The following USP26 variants were observed in gnomAD, a reference collection of about 807,000 sequenced individuals.
The protein encoded by USP26 is ubiquitin carboxyl-terminal hydrolase 26.
For missense variants in USP26, 649 were observed against 642.3 expected, an observed-to-expected ratio of 1.01 and a Z score of -0.11; for synonymous variants, 236 against 240.6, an observed-to-expected ratio of 0.98 and a Z score of 0.18.
At chrX:133,037,720 G>C (rs1275246286) in intron 5 of USP26, among the ~76,000 whole-genome samples, 1 of 111,871 alleles carries the variant, frequency 8.9e-6, no homozygotes, top group East Asian at 2.8e-4. Flanking sequence ...AAAACTAAAT[G>C]GTAGCTTGAT....
intron 5 of USP26, among the ~76,000 whole-genome samples, chrX:133,063,541 A>C (rs1199580747): frequency 9.0e-6 from 1 of 111,649 alleles, no homozygotes; most frequent in Non-Finnish European, 1.9e-5. Context: ...TCTGCAAAAA[A>C]CCTACAACCC....
At chrX:133,094,302 G>A (rs1308937008) in intron 1 of USP26, among the ~76,000 whole-genome samples, 1 of 111,082 alleles carries the variant, frequency 9.0e-6, no homozygotes, top group Non-Finnish European at 1.9e-5. Context: ...GTGCATGCCA[G>A]CCAGGAAGCG....
chrX:133,030,554 T>G (rs2067372548), intron 5 of USP26, among the ~76,000 whole-genome samples: 1 of 111,769 alleles, frequency 8.9e-6, no homozygotes, highest in Non-Finnish European at 1.9e-5. Flanking sequence ...TGATTTAGAC[T>G]CTAAACATCA....
At chrX:133,068,439 G>C (rs1214529503) in intron 5 of USP26, among the ~76,000 whole-genome samples, 1 of 112,507 alleles carries the variant, frequency 8.9e-6, no homozygotes, top group African/African-American at 3.2e-5. Context: ...AAGAAGAAAT[G>C]TTAAAAAATA....
chrX:133,056,274 C>T (rs1341429841), intron 5 of USP26, among the ~76,000 whole-genome samples: 1 of 111,535 alleles, frequency 9.0e-6, no homozygotes. Flanking sequence ...TATCTGAGCC[C>T]TCCCATTTTC....
chrX:133,045,631 C>T (rs1003907409), intron 5 of USP26, among the ~76,000 whole-genome samples: 36 of 111,183 alleles, frequency 3.2e-4, no homozygotes, highest in African/African-American at 1.0e-3. Flanking sequence ...CCAGACGGGC[C>T]GCCTTATGAG....
At chrX:133,071,005 T>C (rs1161053148) in intron 5 of USP26, among the ~76,000 whole-genome samples, 1 of 110,714 alleles carries the variant, frequency 9.0e-6, no homozygotes. Context: ...TCACCTGAGA[T>C]CAGGAGTTCG....
chrX:133,052,311 C>A (rs1051957237), intron 5 of USP26, among the ~76,000 whole-genome samples: 1 of 111,878 alleles, frequency 8.9e-6, no homozygotes, highest in African/African-American at 3.3e-5. Flanking sequence ...GTTCAGGCAG[C>A]ACCACTTGGG....
Position 133,025,153 on chromosome X carries a change from A to G in USP26, c.*326T>C. 1 of 250,755 alleles carries G rather than the reference A, an allele frequency of 4.0e-6. No homozygotes were observed. Among genetic ancestry groups the G allele is most frequent in the South Asian group, 7.6e-5 (1 of 13,220 alleles). The allele number at this position is 250,755 out of a possible 1,213,427, so 20.7% of individuals were successfully genotyped here. On this transcript the variant is annotated 3_prime_UTR_variant, in exon 6 of 6. Transcript: ENST00000511190. ...AGAATCGCTTGATGCCAGGAGTTTG[A>G]GGCTGCAGTGAGTTATTATTGAAGG...
chrX:133,037,368 G>A (rs1433449980), intron 5 of USP26, among the ~76,000 whole-genome samples: 1 of 112,113 alleles, frequency 8.9e-6, no homozygotes, highest in African/African-American at 3.2e-5. Flanking sequence ...GTAAGAAGAG[G>A]CTCCAGTTTC....
chrX:133,081,216 A>G (rs1163049571), intron 5 of USP26, among the ~76,000 whole-genome samples: 1 of 111,236 alleles, frequency 9.0e-6, no homozygotes, highest in Non-Finnish European at 1.9e-5. Flanking sequence ...ATTTTGGTGA[A>G]TAAAAATACT....
Position 133,028,186 on chromosome X carries a change from A to G in USP26, c.35T>C (p.Ile12Thr). The G allele has an allele frequency of 8.3e-7, 1 of 1,209,810 alleles. No individual in the cohort carries two copies. The highest frequency in any genetic ancestry group is 1.8e-5 in the South Asian group (1 of 56,921). The change falls in exon 6 of 6, where the codon ATA becomes ACA. Residue 12 changes from isoleucine to threonine, a missense_variant. By Grantham distance (89) the Ile-to-Thr change is moderately conservative. Coordinates refer to ENST00000511190, the MANE Select transcript of USP26 (RefSeq NM_031907.3). The stretch of plus-strand genomic sequence containing the variant: ...AGATATCCCAGTCTTGCAGTTCCCT[A>G]TTTGGACAAAACCACGTAGGAATAG... ...AALFLRGFVQ[I>T]GNCKTGISKS...
chrX:133,090,493 C>T (rs2067603396), intron 3 of USP26, among the ~76,000 whole-genome samples: 1 of 112,312 alleles, frequency 8.9e-6, no homozygotes, highest in African/African-American at 3.2e-5. Flanking sequence ...GTTAGAAGAT[C>T]CCCACTCTAA....
chrX:133,027,679 T>G lies in USP26; in HGVS notation c.542A>C (p.Lys181Thr), dbSNP rs939534013. The change falls in exon 6 of 6, where the codon AAA (lysine) becomes ACA (threonine). Residue 181 changes from lysine (K) to threonine (T), a missense_variant. Coordinates refer to ENST00000511190, the MANE Select transcript of USP26 (RefSeq NM_031907.3). ...ELSENQHKKR[K>T]RMLSSSSEMN... ...CTCTGAGCTAGATGAGAGCATTCTT[T>G]TCCTCTTCTTGTGCTGATTTTCTGA... The G allele has an allele frequency of 8.3e-7, 1 of 1,207,068 alleles. No homozygotes were observed. Among genetic ancestry groups the G allele is most frequent in the Non-Finnish European group, 1.1e-6 (1 of 892,871 alleles).
In USP26 at chrX:133,024,038, G is replaced by A. The variant is rs145607885; in HGVS notation, c.*1441C>T. ...TGCCTCAAAGGCAGGAAAAGGTTATGATAATAGTGGTGGCACATGCTTGAT... is the reference window on the plus strand; with the variant it reads ...TGCCTCAAAGGCAGGAAAAGGTTATAATAATAGTGGTGGCACATGCTTGAT... On this transcript the variant is annotated 3_prime_UTR_variant, in exon 6 of 6. Transcript: ENST00000511190. 1.1e-4 allele frequency among the ~76,000 whole-genome samples: 12 copies of A among 112,035 alleles called. No homozygotes were observed. In the East Asian group the frequency reaches 3.4e-3, roughly 31 times the overall value.
chrX:133,088,824 T>C (rs912570595), intron 4 of USP26, among the ~76,000 whole-genome samples: 1 of 111,846 alleles, frequency 8.9e-6, no homozygotes, highest in Non-Finnish European at 1.9e-5. Context: ...AAGGAGAAGG[T>C]GTCACAGTTA....
chrX:133,078,502 G>A, intron 5 of USP26, among the ~76,000 whole-genome samples: 1 of 112,000 alleles, frequency 8.9e-6, no homozygotes, highest in Non-Finnish European at 1.9e-5. Flanking sequence ...GCTAGGCTGA[G>A]CCCAGGTATT....
At chrX:133,072,498 CAG>C (rs35834199) in intron 5 of USP26, among the ~76,000 whole-genome samples, 2,126 of 112,408 alleles carry the variant, frequency 0.019, 46 homozygotes, top group African/African-American at 0.065. Context: ...TTAAGTATGA[CAG>C]AGCATTCTGT....
intron 5 of USP26, among the ~76,000 whole-genome samples, chrX:133,076,505 A>G (rs1413090004): frequency 9.0e-6 from 1 of 111,335 alleles, no homozygotes; most frequent in East Asian, 2.8e-4. Flanking sequence ...CCCTTGTGCA[A>G]TCTCCTCCCC....
Sources: gnomAD v4.1 joint callset for allele counts (sites outside exome capture counted in the v4.1 genomes callset) on GRCh38, gnomAD v4.1.1 for gene constraint, MANE v1.5 for transcripts, NCBI Gene and HGNC (gene_info 2026-07-23, HGNC 2026-07-21) for gene names.